FBLN5: variants seen among roughly 807,000 people sequenced by gnomAD.
FBLN5 encodes the protein fibulin-5.
In FBLN5, 24 loss-of-function variants were observed where a neutral mutation model predicts 61.6. That is an observed-to-expected ratio of 0.39 (90% CI 0.28 to 0.55). The LOEUF (loss-of-function observed/expected upper bound fraction) is 0.55. Ranked by LOEUF, FBLN5 falls within the 20% of genes least tolerant of loss-of-function variation. The pLI is 0.65. For missense variants in FBLN5, 470 were observed against 594.1 expected, an observed-to-expected ratio of 0.79 and a Z score of 2.17; for synonymous variants, 213 against 219.8, an observed-to-expected ratio of 0.97 and a Z score of 0.27.
At chr14:91,887,884 T>C (rs940680609) in intron 6 of FBLN5, among the ~76,000 whole-genome samples, 3 of 152,212 alleles carry the variant, frequency 2.0e-5, no homozygotes, top group Non-Finnish European at 2.9e-5. Flanking sequence ...CAAGGACTAA[T>C]GGGAAATCCA....
chr14:91,894,402 C>CAAAAAAA (rs58035118), intron 5 of FBLN5, among the ~76,000 whole-genome samples: 11 of 34,346 alleles, frequency 3.2e-4, no homozygotes, highest in Non-Finnish European at 3.9e-4. Flanking sequence ...GACACCATAT[C>CAAAAAAA]AAAAAAAAAA....
chr14:91,913,227 A>G (rs957301365), intron 4 of FBLN5, among the ~76,000 whole-genome samples: 2 of 152,196 alleles, frequency 1.3e-5, no homozygotes, highest in African/African-American at 2.4e-5. Context: ...CAGCCCCTCC[A>G]CTAACTAGCT....
rs1888849609 is a variant in FBLN5 at position 91,870,148 on chromosome 14, T to A, written c.*76A>T. The A allele has an allele frequency of 2.0e-5, 29 of 1,448,448 alleles. No homozygotes were observed. The highest frequency in any genetic ancestry group is 2.6e-5 in the Non-Finnish European group (27 of 1,030,674). 89.7% of individuals were successfully genotyped at this position (1,448,448 alleles called of 1,614,324 possible). A position where few individuals can be genotyped will look rare whatever the true frequency, so the allele number is the denominator to read the frequency against. ...ATGCCTAACGTCTGTGTCGCTCTCA[T>A]TCTCTCTGTTATTTCCTCTCTTCTC... On this transcript the variant is annotated 3_prime_UTR_variant, in exon 11 of 11. Coordinates refer to ENST00000342058, the MANE Select transcript of FBLN5 (RefSeq NM_006329.4).
At chr14:91,935,830 T>C (rs2056005377) in intron 4 of FBLN5, among the ~76,000 whole-genome samples, 1 of 152,240 alleles carries the variant, frequency 6.6e-6, no homozygotes, top group Non-Finnish European at 1.5e-5. Context: ...TGCACAGTCA[T>C]CTACGTTTAA....
intron 5 of FBLN5, 132 bp downstream of exon 5, chr14:91,894,818 T>TC: frequency 1.9e-6 from 1 of 518,896 alleles, no homozygotes; most frequent in Non-Finnish European, 3.7e-6. Flanking sequence ...TCAATAGCCT[T>TC]CCACCCCTCC....
chr14:91,892,778 C>T (rs1890047741), intron 5 of FBLN5, among the ~76,000 whole-genome samples: 1 of 152,216 alleles, frequency 6.6e-6, no homozygotes, highest in African/African-American at 2.4e-5. Context: ...GCAAAAGCAG[C>T]ATCTTCAGTG....
chr14:91,929,115 C>A (rs969572325), intron 4 of FBLN5, among the ~76,000 whole-genome samples: 48 of 143,810 alleles, frequency 3.3e-4, no homozygotes, highest in Non-Finnish European at 6.0e-4. Flanking sequence ...ACACACACAC[C>A]CCACACACAC....
chr14:91,908,905 C>CTT (rs561272838), intron 4 of FBLN5, among the ~76,000 whole-genome samples: 2 of 148,786 alleles, frequency 1.3e-5, no homozygotes, highest in Non-Finnish European at 3.0e-5. Context: ...GGAATCAGTA[C>CTT]TTTTTTTTTT....
At chr14:91,891,182 G>T in intron 6 of FBLN5, 39 bp downstream of exon 6, 1 of 1,141,944 alleles carries the variant, frequency 8.8e-7, no homozygotes, top group Non-Finnish European at 1.3e-6. Flanking sequence ...TGCAGCTAGT[G>T]TCTCACATCA....
chr14:91,883,846 G>T (rs1213607207), intron 7 of FBLN5, among the ~76,000 whole-genome samples: 3 of 152,166 alleles, frequency 2.0e-5, no homozygotes, highest in Non-Finnish European at 4.4e-5. Context: ...CCCTGTCCAT[G>T]TGATTTACAA....
chr14:91,887,061 C>T, intron 7 of FBLN5, 132 bp downstream of exon 7: 4 of 960,168 alleles, frequency 4.2e-6, no homozygotes, highest in Admixed American at 1.7e-5. Context: ...GACCCCACTG[C>T]CCTGGAGGAT....
chr14:91,931,046 G>C (rs2055913640), intron 4 of FBLN5, among the ~76,000 whole-genome samples: 1 of 152,124 alleles, frequency 6.6e-6, no homozygotes, highest in African/African-American at 2.4e-5. Context: ...GTAAACACTG[G>C]GCAAGGTGTT....
At position 91,870,400 on chromosome 14, in the gene FBLN5, G is replaced by A. The variant is rs542372940; in HGVS notation, c.1186-15C>T. On this transcript the variant is annotated splice_polypyrimidine_tract_variant and intron_variant, in intron 10 of 10. Coordinates refer to ENST00000342058, the MANE Select transcript of FBLN5 (RefSeq NM_006329.4). ...GGGCCCGTTTGCTATGGACAGAACCGGGGAACACCAGTGAGAAAAGGCCTG... is the reference window on the plus strand; with the variant it reads ...GGGCCCGTTTGCTATGGACAGAACCAGGGAACACCAGTGAGAAAAGGCCTG... 50 of 1,613,062 alleles carry A rather than the reference G, an allele frequency of 3.1e-5. No homozygotes were observed. The highest frequency in any genetic ancestry group is 4.5e-5 in the East Asian group (2 of 44,880).
In FBLN5 at chr14:91,894,953, A is replaced by G. The variant is rs766504634; in HGVS notation, c.499T>C (p.Leu167=). 3 of 1,613,888 alleles carry G rather than the reference A, an allele frequency of 1.9e-6. No homozygotes were observed. In the South Asian group the frequency reaches 3.3e-5, roughly 18 times the overall value. ...GACCCCCCCAGAGAGCTGTTACCTA[A>G]GCACTGGCCTTCCAGAAGCCAATAT... is the stretch of plus-strand genomic sequence containing the variant. The part of the protein sequence containing the change: ...DGYWLLEGQC[L]DIDECRYGYC... Residue 167 remains leucine (L), a synonymous_variant, in exon 5 of 11, where the codon TTA becomes CTA. Transcript: ENST00000342058.
At chr14:91,899,891 A>G (rs1289995046) in intron 4 of FBLN5, among the ~76,000 whole-genome samples, 1 of 152,224 alleles carries the variant, frequency 6.6e-6, no homozygotes, top group African/African-American at 2.4e-5. Context: ...GCCTCAACAC[A>G]TCAAAATACA....
chr14:91,901,916 A>G (rs1207581186), intron 4 of FBLN5, among the ~76,000 whole-genome samples: 1 of 152,176 alleles, frequency 6.6e-6, no homozygotes, highest in Non-Finnish European at 1.5e-5. Flanking sequence ...CCAGGTCCCA[A>G]CCTCTCCATG....
intron 7 of FBLN5, 90 bp downstream of exon 7, chr14:91,887,103 G>C: frequency 7.0e-7 from 1 of 1,422,758 alleles, no homozygotes; most frequent in Non-Finnish European, 9.9e-7. Context: ...CAGGAAATGA[G>C]AGGAAACACC....
In FBLN5 at chr14:91,888,010, T is replaced by G. The variant is rs546499608; in HGVS notation, c.620-698A>C. Among the ~76,000 whole-genome samples the G allele has an allele frequency of 3.9e-5, 6 of 152,308 alleles. No homozygotes were observed. The South Asian group carries it at 1.2e-3, about 32-fold the overall frequency. ...GCATCAATAAGATTGTTTAAGCATT[T>G]TTGAAGGACCAGGCATAGTGGCTCA... On this transcript the variant is annotated intron_variant, in intron 6 of 10. Coordinates refer to ENST00000342058, the MANE Select transcript of FBLN5 (RefSeq NM_006329.4).
intron 7 of FBLN5, among the ~76,000 whole-genome samples, chr14:91,884,732 G>T (rs940296979): frequency 3.3e-5 from 5 of 152,240 alleles, no homozygotes; most frequent in Admixed American, 6.5e-5. Context: ...GAGCCCTGAG[G>T]TTGGGGCAAG....
Sources: gnomAD v4.1 joint callset for allele counts (sites outside exome capture counted in the v4.1 genomes callset) on GRCh38, gnomAD v4.1.1 for gene constraint, MANE v1.5 for transcripts, NCBI Gene and HGNC (gene_info 2026-07-23, HGNC 2026-07-21) for gene names.